Variants in ADNP observed in about 807,000 individuals in gnomAD.
ADNP encodes activity dependent neuroprotector homeobox.
ADNP carries 4 observed loss-of-function variants against 84.9 expected under a neutral mutation model. The observed-to-expected ratio is 0.05, with a 90% CI of 0.02 to 0.11. The LOEUF is 0.11. Among genes scored for constraint, ADNP ranks in the 10% least tolerant of loss-of-function variants. ADNP has a pLI of 1.00. For synonymous variants in ADNP, 554 were observed against 468.1 expected (o/e 1.18, Z -2.37); for missense variants, 1,132 against 1,326.0 (o/e 0.85, Z 2.27).
intron 2 of ADNP, among the ~76,000 whole-genome samples, chr20:50,922,584 T>G (rs1261195359): frequency 6.8e-6 from 1 of 147,648 alleles, no homozygotes; most frequent in East Asian, 2.0e-4. Flanking sequence ...CTGCGTTTTT[T>G]TTTTTTTTTT....
At chr20:50,896,077 T>C (rs1189993018) in intron 5 of ADNP, among the ~76,000 whole-genome samples, 1 of 151,096 alleles carries the variant, frequency 6.6e-6, no homozygotes, top group Non-Finnish European at 1.5e-5. Flanking sequence ...ATAAAAAAAA[T>C]AGCTGCACAT....
chr20:50,909,040 C>T (rs1486541616), intron 2 of ADNP, among the ~76,000 whole-genome samples: 4 of 151,464 alleles, frequency 2.6e-5, no homozygotes, highest in Non-Finnish European at 5.9e-5. Flanking sequence ...ATAGCTAATC[C>T]CTTCTCTTTT....
intron 5 of ADNP, among the ~76,000 whole-genome samples, chr20:50,896,550 A>T (rs1273607456): frequency 6.6e-6 from 1 of 151,938 alleles, no homozygotes; most frequent in Non-Finnish European, 1.5e-5. Flanking sequence ...CAAGAGCAAG[A>T]CCCCGTCTCA....
chr20:50,909,500 C>T (rs1320876075), intron 2 of ADNP: 1 of 151,382 alleles, frequency 6.6e-6, no homozygotes, highest in African/African-American at 2.4e-5. Context: ...TTTAACAAAC[C>T]TATATATTGT....
chr20:50,903,237 A>T (rs1002750848), intron 4 of ADNP, among the ~76,000 whole-genome samples: 1 of 152,218 alleles, frequency 6.6e-6, no homozygotes, highest in Non-Finnish European at 1.5e-5. Flanking sequence ...GACCTGGAAC[A>T]GTGAGATGTT....
In ADNP at chr20:50,892,425, G is replaced by A. The variant is rs764947581; in HGVS notation, c.2289C>T (p.Ser763=). The change falls in exon 6 of 6, where the codon TCC becomes TCT. Residue 763 remains serine, a synonymous_variant. Coordinates refer to ENST00000621696, the MANE Select transcript of ADNP (RefSeq NM_001282531.3). ...TTAGAAAGCTTTTCCTGGCTTCATA[G>A]GAATCATCTTCATGACCCTTGGGGT... ...ALDPKGHEDD[S]YEARKSFLTK... is the part of the protein sequence containing the mutation. The A allele has an allele frequency of 6.2e-7, 1 of 1,614,170 alleles. No individual in the cohort carries two copies.
Position 50,891,153 on chromosome 20 carries a change from CG to C in ADNP, c.*251del. Reference sequence around the variant, plus strand: ...GATAAAATAAACCTCTGCTTTTCCTCGTGTGTATTCATGAGTCACCAGCTTA... The same window carrying C: ...GATAAAATAAACCTCTGCTTTTCCTCTGTGTATTCATGAGTCACCAGCTTA... On this transcript the variant is annotated 3_prime_UTR_variant, in exon 6 of 6. Coordinates refer to ENST00000621696, the MANE Select transcript of ADNP (RefSeq NM_001282531.3). The C allele has an allele frequency of 7.9e-7, 1 of 1,267,052 alleles. No homozygotes were observed. Among genetic ancestry groups the C allele is most frequent in the Non-Finnish European group, 9.9e-7 (1 of 1,008,516 alleles). 78.5% of individuals were successfully genotyped at this position (1,267,052 alleles called of 1,614,324 possible).
At chr20:50,911,794 T>C (rs1983065334) in intron 2 of ADNP, among the ~76,000 whole-genome samples, 1 of 152,064 alleles carries the variant, frequency 6.6e-6, no homozygotes, top group Non-Finnish European at 1.5e-5. Context: ...CTGTTTTAGA[T>C]AAGCAAAAGA....
At chr20:50,896,733 T>C (rs1476281625) in intron 5 of ADNP, among the ~76,000 whole-genome samples, 1 of 152,102 alleles carries the variant, frequency 6.6e-6, no homozygotes, top group Non-Finnish European at 1.5e-5. Flanking sequence ...AACTGCCATC[T>C]CCCATGGTAA....
chr20:50,927,386 T>C (rs1255956696), intron 2 of ADNP, among the ~76,000 whole-genome samples: 1 of 152,188 alleles, frequency 6.6e-6, no homozygotes, highest in Non-Finnish European at 1.5e-5. Flanking sequence ...CCTAATAAGC[T>C]AGTCTCAGGA....
At chr20:50,922,496 T>G (rs187340027) in intron 2 of ADNP, among the ~76,000 whole-genome samples, 2 of 151,802 alleles carry the variant, frequency 1.3e-5, no homozygotes, top group East Asian at 1.9e-4. Context: ...GTAAGGGCAC[T>G]GGGCTTCCAT....
Position 50,894,101 on chromosome 20 carries a change from G to A in ADNP, c.613C>T (p.Leu205Phe). The stretch of plus-strand genomic sequence containing the variant: ...GAGCCTAAGGGGACTGCCCCATTGA[G>A]TGATTTTTCTCCTGCCTTTGCTATG... Reference protein sequence around the residue: ...PYIAKAGEKSLNGAVPLGSNA... With the variant: ...PYIAKAGEKSFNGAVPLGSNA... The change falls in exon 6 of 6, where the codon CTC becomes TTC. Residue 205 changes from leucine (L) to phenylalanine (F), a missense_variant. Leu to Phe is a conservative substitution (Grantham distance 22). Transcript: ENST00000621696. 1.2e-6 allele frequency: 2 copies of A among 1,614,156 alleles called. No homozygotes were observed. Among genetic ancestry groups the A allele is most frequent in the Non-Finnish European group, 1.7e-6 (2 of 1,180,002 alleles).
intron 2 of ADNP, among the ~76,000 whole-genome samples, chr20:50,907,609 G>C (rs1982619392): frequency 6.8e-6 from 1 of 147,078 alleles, no homozygotes; most frequent in Admixed American, 6.8e-5. Context: ...GCCTGGCCAG[G>C]GTTCCACTTT....
chr20:50,889,170 C>T lies in ADNP; in HGVS notation c.*2235G>A, dbSNP rs1980385618. The stretch of plus-strand genomic sequence containing the variant: ...TTCTGAATGCCAAAAGGCACACTCT[C>T]ACCACCTTAATGAGGAAACACACTT... On this transcript the variant is annotated 3_prime_UTR_variant, in exon 6 of 6. Coordinates refer to ENST00000621696, the MANE Select transcript of ADNP (RefSeq NM_001282531.3). 2.6e-5 allele frequency: 4 copies of T among 152,342 alleles called. No individual in the cohort carries two copies. The South Asian group carries it at 8.3e-4, about 32-fold the overall frequency. The allele number at this position is 152,342 out of a possible 1,614,324, so 9.4% of individuals were successfully genotyped here.
rs931522512 is a variant in ADNP, at chr20:50,891,040, G to C, written c.*365C>G. 1.9e-6 allele frequency: 2 copies of C among 1,045,202 alleles called. No individual in the cohort carries two copies. Among genetic ancestry groups the C allele is most frequent in the Non-Finnish European group, 2.3e-6 (2 of 869,482 alleles). 64.7% of individuals were successfully genotyped at this position (1,045,202 alleles called of 1,614,324 possible). A position where few individuals can be genotyped will look rare whatever the true frequency, so the allele number is the denominator to read the frequency against. The stretch of plus-strand genomic sequence containing the variant: ...CATTAGACTGGTAGCTTGTATGTTG[G>C]CCCTACACTACCATGTGAATTAGTT... On this transcript the variant is annotated 3_prime_UTR_variant, in exon 6 of 6. Transcript: ENST00000621696.
intron 5 of ADNP, among the ~76,000 whole-genome samples, chr20:50,896,753 C>T (rs76454304): frequency 0.089 from 13,525 of 152,182 alleles, 639 homozygotes; most frequent in Middle Eastern, 0.13. Context: ...ACAATGCCTT[C>T]TTCTGGATAA....
rs1448543362 is a variant in ADNP at position 50,892,142 on chromosome 20, C to T, written c.2572G>A (p.Ala858Thr). The T allele has an allele frequency of 6.2e-7, 1 of 1,614,162 alleles. No homozygotes were observed. The highest frequency in any genetic ancestry group is 8.5e-7 in the Non-Finnish European group (1 of 1,180,022). The change falls in exon 6 of 6, where the codon GCT becomes ACT. Residue 858 changes from alanine (A) to threonine (T), a missense_variant. This residue lies in a region of ADNP where 381 missense variants were observed against 319.9 expected (regional missense o/e 1.19). Transcript: ENST00000621696. ...NHDEKDSRVN[A>T]SKTADKKLNL... ...AGCTTTTTGTCAGCAGTCTTACTAGCATTGACTCTGGAATCCTTCTCATCA... is the reference window on the plus strand; with the variant it reads ...AGCTTTTTGTCAGCAGTCTTACTAGTATTGACTCTGGAATCCTTCTCATCA...
chr20:50,914,455 AAACT>A (rs1983342744), intron 2 of ADNP: 1 of 421,772 alleles, frequency 2.4e-6, no homozygotes, highest in Non-Finnish European at 4.4e-6. Flanking sequence ...AGTGTCCTGG[AAACT>A]AACATACTTG....
intron 3 of ADNP, chr20:50,904,296 G>A (rs1162083837): frequency 3.6e-6 from 1 of 276,330 alleles, no homozygotes; most frequent in Non-Finnish European, 6.9e-6. Context: ...ATTCACCATA[G>A]CCTCAACCTT....
Sources: gnomAD v4.1 joint callset for allele counts (sites outside exome capture counted in the v4.1 genomes callset) on GRCh38, gnomAD v4.1.1 for gene constraint, gnomAD v4.1.1 regional missense constraint, MANE v1.5 for transcripts, NCBI Gene and HGNC (gene_info 2026-07-23, HGNC 2026-07-21) for gene names.